Variants in TRAF5 observed in about 807,000 individuals in gnomAD.
TRAF5 encodes the protein TNF receptor associated factor 5, also known as TNF receptor-associated factor 5.
Under a neutral mutation model 64.5 loss-of-function variants are expected in TRAF5, and 48 were observed. The ratio of observed to expected loss-of-function variants is 0.74; its 90% CI spans 0.59 to 0.95. TRAF5 has a LOEUF of 0.95. TRAF5 is among the 40% of genes least tolerant of loss of function. The pLI, the probability that TRAF5 is intolerant of heterozygous loss-of-function variation, is 0.00. For missense variants in TRAF5, 545 were observed against 662.8 expected, an observed-to-expected ratio of 0.82 and a Z score of 1.95; for synonymous variants, 206 against 240.5, an observed-to-expected ratio of 0.86 and a Z score of 1.33.
intron 1 of TRAF5, among the ~76,000 whole-genome samples, chr1:211,340,808 A>G (rs1702427187): frequency 6.6e-6 from 1 of 152,234 alleles, no homozygotes; most frequent in South Asian, 2.1e-4. Context: ...CTGTTGGATT[A>G]CCAATAAGTA....
chr1:211,331,537 C>G (rs918782514), intron 1 of TRAF5, among the ~76,000 whole-genome samples: 13 of 152,186 alleles, frequency 8.5e-5, no homozygotes, highest in Non-Finnish European at 1.6e-4. Context: ...CTGGTTTTCT[C>G]CTTCCATGTG....
At chr1:211,360,187 A>G (rs1572083446) in intron 5 of TRAF5, 111 bp downstream of exon 5, 2 of 1,217,546 alleles carry the variant, frequency 1.6e-6, no homozygotes, top group East Asian at 4.8e-5. Context: ...ATTTTTGTAC[A>G]GAATTAGGTC....
intron 2 of TRAF5, among the ~76,000 whole-genome samples, 194 bp from the exon 3 acceptor site, chr1:211,354,216 T>C (rs961058861): frequency 2.0e-5 from 3 of 152,160 alleles, no homozygotes; most frequent in Non-Finnish European, 4.4e-5. Context: ...CATGAAGTTT[T>C]TCAGGCAAAC....
chr1:211,339,047 T>G (rs1702377985), intron 1 of TRAF5, among the ~76,000 whole-genome samples: 1 of 152,200 alleles, frequency 6.6e-6, no homozygotes, highest in South Asian at 2.1e-4. Context: ...GGGGTACATT[T>G]TCTCCCAGCT....
At chr1:211,358,323 A>C (rs1223349302) in intron 4 of TRAF5, 1 of 152,064 alleles carries the variant, frequency 6.6e-6, no homozygotes, top group Non-Finnish European at 1.5e-5. Context: ...TAATAATACA[A>C]AAATTAGCCG....
At chr1:211,363,619 C>T (rs1045188156) in intron 7 of TRAF5, among the ~76,000 whole-genome samples, 9 of 152,132 alleles carry the variant, frequency 5.9e-5, no homozygotes, top group African/African-American at 9.6e-5. Context: ...AAAAAATCAG[C>T]GAAGAGTCTA....
intron 9 of TRAF5, among the ~76,000 whole-genome samples, chr1:211,369,904 C>T (rs936769039): frequency 2.0e-5 from 3 of 152,150 alleles, no homozygotes; most frequent in Non-Finnish European, 2.9e-5. Context: ...TATTATGGCC[C>T]TTTACCTCTA....
Position 211,356,367 on chromosome 1 carries a change from GT to G in TRAF5, c.282del (p.Phe94LeufsTer60). 6.2e-7 allele frequency: 1 copy of G among 1,612,590 alleles called. No homozygotes were observed. The highest frequency in any genetic ancestry group is 1.1e-5 in the South Asian group (1 of 91,010). On this transcript the variant is annotated frameshift_variant and splice_region_variant, in exon 4 of 11. Transcript: ENST00000261464. LOFTEE classifies it high-confidence loss of function. The part of the protein sequence containing the change: ...VDKEVIKSQE[V>X]FKDNCCKREV... ...GAGACCTATTATGTTTATCTTTTAG[GT>G]TTTTAAAGACAATTGTTGCAAAAGA... is the stretch of plus-strand genomic sequence containing the variant.
chr1:211,344,498 T>A (rs1355541007), intron 1 of TRAF5, among the ~76,000 whole-genome samples: 2 of 152,212 alleles, frequency 1.3e-5, no homozygotes, highest in African/African-American at 4.8e-5. Flanking sequence ...CTGGTTGTCG[T>A]GGTGTCACCT....
chr1:211,353,628 A>T, intron 2 of TRAF5, 171 bp downstream of exon 2: 1 of 657,052 alleles, frequency 1.5e-6, no homozygotes, highest in Non-Finnish European at 2.6e-6. Flanking sequence ...AAGAATAATC[A>T]TTTTTTGGTC....
At position 211,372,746 on chromosome 1, in the gene TRAF5, G is replaced by A. The variant is rs183601818; in HGVS notation, c.*44G>A. 1 of 1,514,388 alleles carries A rather than the reference G, an allele frequency of 6.6e-7. No individual in the cohort carries two copies. The highest frequency in any genetic ancestry group is 1.4e-5 in the African/African-American group (1 of 72,430). 93.8% of individuals were successfully genotyped at this position (1,514,388 alleles called of 1,614,324 possible). A position where few individuals can be genotyped will look rare whatever the true frequency, so the allele number is the denominator to read the frequency against. ...AAGAGGACTTCTTGGGGCCAGAACT[G>A]TGGAGGAGAGCACATTTGATTATCA... On this transcript the variant is annotated 3_prime_UTR_variant, in exon 11 of 11. Coordinates refer to ENST00000261464, the MANE Select transcript of TRAF5 (RefSeq NM_001033910.3).
chr1:211,346,120 T>G (rs1702599297), intron 1 of TRAF5, among the ~76,000 whole-genome samples: 1 of 152,186 alleles, frequency 6.6e-6, no homozygotes, highest in African/African-American at 2.4e-5. Flanking sequence ...AGAAAATGCC[T>G]CCTCTTTCTT....
At chr1:211,365,109 T>C (rs1703308255) in intron 7 of TRAF5, among the ~76,000 whole-genome samples, 2 of 150,026 alleles carry the variant, frequency 1.3e-5, no homozygotes, top group South Asian at 4.2e-4. Flanking sequence ...AGAGGCAGAG[T>C]CTGCAGTGAG....
chr1:211,361,500 A>G (rs1366504063), intron 7 of TRAF5, among the ~76,000 whole-genome samples: 3 of 152,062 alleles, frequency 2.0e-5, no homozygotes. Flanking sequence ...TTTGCTCTGA[A>G]GGCCTTCAAA....
rs779828725 is a variant in TRAF5, at chr1:211,360,695, A to G, written c.544-7A>G. The G allele has an allele frequency of 5.6e-6, 9 of 1,611,370 alleles. No homozygotes were observed. Among genetic ancestry groups the G allele is most frequent in the Non-Finnish European group, 7.6e-6 (9 of 1,177,726 alleles). On this transcript the variant is annotated splice_region_variant and splice_polypyrimidine_tract_variant and intron_variant, in intron 5 of 10. Coordinates refer to ENST00000261464, the MANE Select transcript of TRAF5 (RefSeq NM_001033910.3). ...CCCTTTGTTTTATTGCACTTTCTCT[A>G]TTTCAGAATCATGAGGAAAACTTGT...
At chr1:211,331,065 C>T (rs1464813488) in intron 1 of TRAF5, among the ~76,000 whole-genome samples, 2 of 152,210 alleles carry the variant, frequency 1.3e-5, no homozygotes, top group Non-Finnish European at 2.9e-5. Context: ...TCTGTTCTCT[C>T]TGTTGCAGAA....
At chr1:211,331,441 G>C (rs1702153539) in intron 1 of TRAF5, among the ~76,000 whole-genome samples, 3 of 152,164 alleles carry the variant, frequency 2.0e-5, no homozygotes, top group Admixed American at 2.0e-4. Flanking sequence ...AATAGAAATA[G>C]TAATGTGTGC....
chr1:211,353,578 G>C, intron 2 of TRAF5, 121 bp downstream of exon 2: 1 of 966,184 alleles, frequency 1.0e-6, no homozygotes, highest in Non-Finnish European at 1.5e-6. Flanking sequence ...AACCATGACT[G>C]TAAGGAAGGA....
intron 2 of TRAF5, 102 bp downstream of exon 2, chr1:211,353,559 T>A: frequency 8.5e-7 from 1 of 1,174,444 alleles, no homozygotes; most frequent in Non-Finnish European, 1.2e-6. Context: ...TTGTTTTACT[T>A]GGCCACAGAA....
Sources: gnomAD v4.1 joint callset for allele counts (sites outside exome capture counted in the v4.1 genomes callset) on GRCh38, gnomAD v4.1.1 for gene constraint, MANE v1.5 for transcripts, NCBI Gene and HGNC (gene_info 2026-07-23, HGNC 2026-07-21) for gene names.